TNIK: variants seen among roughly 807,000 people sequenced by gnomAD.
The protein encoded by TNIK is TRAF2 and NCK interacting kinase.
In TNIK, 49 loss-of-function variants were observed where a neutral mutation model predicts 191.3. That is an observed-to-expected ratio of 0.26 (90% CI 0.20 to 0.32). The LOEUF (loss-of-function observed/expected upper bound fraction) is 0.32. Ranked by LOEUF, TNIK falls within the 10% of genes least tolerant of loss-of-function variation. TNIK has a pLI of 1.00. For missense variants in TNIK, 1,155 were observed against 1,702.3 expected, an observed-to-expected ratio of 0.68 and a Z score of 5.66; for synonymous variants, 594 against 600.9, an observed-to-expected ratio of 0.99 and a Z score of 0.17.
chr3:171,394,692 C>T (rs1720002632), intron 1 of TNIK, among the ~76,000 whole-genome samples: 1 of 152,164 alleles, frequency 6.6e-6, no homozygotes, highest in Non-Finnish European at 1.5e-5. Flanking sequence ...ATTCTTGTTA[C>T]TCTTGGGTTT....
At chr3:171,098,875 A>G (rs559256777) in intron 22 of TNIK, among the ~76,000 whole-genome samples, 1 of 152,350 alleles carries the variant, frequency 6.6e-6, no homozygotes, top group South Asian at 2.1e-4. Flanking sequence ...TGTATATTTT[A>G]TATGCAATAT....
At chr3:171,341,068 T>C (rs369692003) in intron 2 of TNIK, among the ~76,000 whole-genome samples, 27 of 152,348 alleles carry the variant, frequency 1.8e-4, no homozygotes, top group African/African-American at 6.5e-4. Flanking sequence ...CATGAGCTTA[T>C]GGCTATTAAT....
chr3:171,088,237 C>CTTTTT (rs760417147), intron 23 of TNIK, among the ~76,000 whole-genome samples: 5 of 142,904 alleles, frequency 3.5e-5, no homozygotes, highest in East Asian at 2.0e-4. Flanking sequence ...AAAGGTTTTT[C>CTTTTT]TTTTTTTTTT....
intron 1 of TNIK, among the ~76,000 whole-genome samples, chr3:171,457,113 C>T (rs769200740): frequency 2.5e-4 from 38 of 152,194 alleles, no homozygotes; most frequent in Non-Finnish European, 5.1e-4. Context: ...AAAATCAGGG[C>T]TAAAACTGGA....
chr3:171,109,761 C>T (rs954349800), intron 19 of TNIK, among the ~76,000 whole-genome samples: 2 of 152,164 alleles, frequency 1.3e-5, no homozygotes, highest in African/African-American at 4.8e-5. Flanking sequence ...TAGCTAGAAA[C>T]AATGTATTAT....
At chr3:171,086,201 T>A (rs1362609163) in intron 24 of TNIK, among the ~76,000 whole-genome samples, 1 of 152,208 alleles carries the variant, frequency 6.6e-6, no homozygotes, top group Non-Finnish European at 1.5e-5. Flanking sequence ...ATCCAAGACC[T>A]CTAAACATAT....
rs555200013 is a variant in TNIK, at chr3:171,395,911, A to C, written c.58-26226T>G. 7.4e-4 allele frequency among the ~76,000 whole-genome samples: 112 copies of C among 151,962 alleles called. 1 individual carries two copies. The highest frequency in any genetic ancestry group is 2.6e-3 in the African/African-American group (108 of 41,386). ...GAATTTTATGTTTCTCGTGTTTTTC[A>C]CTCCTTGCTTTTTAAAAAACAGGTT... On this transcript the variant is annotated intron_variant, in intron 1 of 32. Coordinates refer to ENST00000436636, the MANE Select transcript of TNIK (RefSeq NM_015028.4).
At chr3:171,278,168 T>C (rs925029819) in intron 2 of TNIK, among the ~76,000 whole-genome samples, 1 of 152,188 alleles carries the variant, frequency 6.6e-6, no homozygotes, top group African/African-American at 2.4e-5. Flanking sequence ...TAAAAGGGGA[T>C]TTGTGGGCCC....
intron 10 of TNIK, 86 bp downstream of exon 10, chr3:171,167,008 TC>T: frequency 6.8e-7 from 1 of 1,461,700 alleles, no homozygotes. Context: ...CCATTTGAAA[TC>T]CCCATAGTCA....
chr3:171,397,542 C>T (rs1720412882), intron 1 of TNIK, among the ~76,000 whole-genome samples: 1 of 152,176 alleles, frequency 6.6e-6, no homozygotes, highest in South Asian at 2.1e-4. Flanking sequence ...CCCATGTGAA[C>T]TCCACATTCC....
intron 15 of TNIK, among the ~76,000 whole-genome samples, chr3:171,131,050 A>G (rs372365451): frequency 7.8e-4 from 113 of 145,244 alleles, no homozygotes; most frequent in African/African-American, 2.9e-3. Context: ...ATAGGATCAC[A>G]GGCCACAGGG....
At chr3:171,279,135 G>GA (rs78485143) in intron 2 of TNIK, among the ~76,000 whole-genome samples, 39 of 146,674 alleles carry the variant, frequency 2.7e-4, no homozygotes, top group Non-Finnish European at 3.0e-4. Flanking sequence ...CTAGCAAAAA[G>GA]AAAAAAAAAA....
chr3:171,322,369 C>T (rs2917), intron 2 of TNIK, among the ~76,000 whole-genome samples: 1 of 151,886 alleles, frequency 6.6e-6, no homozygotes, highest in Non-Finnish European at 1.5e-5. Context: ...TTAAAATTGT[C>T]AAATAAGTCA....
At chr3:171,170,090 A>G (rs562382297) in intron 9 of TNIK, among the ~76,000 whole-genome samples, 1 of 152,246 alleles carries the variant, frequency 6.6e-6, no homozygotes, top group Admixed American at 6.5e-5. Context: ...TAATGAGTTT[A>G]AAGTACATTT....
At chr3:171,229,350 G>A (rs1333984711) in intron 2 of TNIK, among the ~76,000 whole-genome samples, 1 of 152,150 alleles carries the variant, frequency 6.6e-6, no homozygotes, top group East Asian at 1.9e-4. Flanking sequence ...TCCAGTACCT[G>A]GAATAGTAAG....
intron 2 of TNIK, among the ~76,000 whole-genome samples, chr3:171,256,159 G>A (rs1390900632): frequency 6.6e-6 from 1 of 152,092 alleles, no homozygotes; most frequent in Non-Finnish European, 1.5e-5. Flanking sequence ...TGTTGTTTCG[G>A]GGTTTTTCCA....
intron 2 of TNIK, among the ~76,000 whole-genome samples, chr3:171,243,548 C>T (rs1745234440): frequency 6.6e-6 from 1 of 152,064 alleles, no homozygotes; most frequent in Admixed American, 6.5e-5. Context: ...CTGTTGGTAG[C>T]CCTGTTAATT....
intron 12 of TNIK, among the ~76,000 whole-genome samples, chr3:171,145,509 A>AC (rs1731441536): frequency 6.6e-6 from 1 of 151,840 alleles, no homozygotes; most frequent in South Asian, 2.1e-4. Context: ...CCCTCACGCT[A>AC]CCTCTAGGTG....
At chr3:171,418,473 C>A (rs964607866) in intron 1 of TNIK, among the ~76,000 whole-genome samples, 1 of 152,120 alleles carries the variant, frequency 6.6e-6, no homozygotes, top group Non-Finnish European at 1.5e-5. Context: ...AGATAAACAA[C>A]ATTTACAGTC....
Sources: allele counts gnomAD v4.1 joint callset (sites outside exome capture counted in the v4.1 genomes callset), GRCh38; gene constraint gnomAD v4.1.1; transcripts MANE v1.5; gene names NCBI Gene and HGNC (gene_info 2026-07-23, HGNC 2026-07-21).